Variants in GAB2 observed in about 807,000 individuals in gnomAD.
GAB2 encodes GRB2-associated-binding protein 2.
Under a neutral mutation model 65.5 loss-of-function variants are expected in GAB2, and 26 were observed. The observed-to-expected ratio is 0.40, with a 90% CI of 0.29 to 0.55. The LOEUF (loss-of-function observed/expected upper bound fraction) is 0.55. GAB2 is among the 20% of genes least tolerant of loss of function. The pLI is 0.53. For missense variants in GAB2, 884 were observed against 875.8 expected, an observed-to-expected ratio of 1.01 and a Z score of -0.12; for synonymous variants, 321 against 329.6, an observed-to-expected ratio of 0.97 and a Z score of 0.28.
At chr11:78,349,080 G>C (rs907079987) in intron 1 of GAB2, among the ~76,000 whole-genome samples, 6 of 152,216 alleles carry the variant, frequency 3.9e-5, no homozygotes, top group Non-Finnish European at 8.8e-5. Flanking sequence ...TGATGCCAAT[G>C]TTCTACATCT....
At chr11:78,410,467 G>A (rs1038619646) in intron 1 of GAB2, among the ~76,000 whole-genome samples, 1 of 152,222 alleles carries the variant, frequency 6.6e-6, no homozygotes, top group African/African-American at 2.4e-5. Flanking sequence ...TCGTGCCATT[G>A]CACTCCACCC....
chr11:78,401,924 T>C (rs1856978528), intron 1 of GAB2, among the ~76,000 whole-genome samples: 1 of 152,216 alleles, frequency 6.6e-6, no homozygotes, highest in South Asian at 2.1e-4. Flanking sequence ...CCTACTAAAA[T>C]GAATTTCCAT....
intron 1 of GAB2, among the ~76,000 whole-genome samples, chr11:78,350,301 A>C (rs1856256853): frequency 6.6e-6 from 1 of 152,188 alleles, no homozygotes; most frequent in Non-Finnish European, 1.5e-5. Context: ...AGGAAAAGTA[A>C]AGAGGCCTGG....
chr11:78,318,387 G>GAAAAAAAAAA, intron 1 of GAB2, among the ~76,000 whole-genome samples: 1 of 23,792 alleles, frequency 4.2e-5, no homozygotes. Context: ...AAAAAAAAAA[G>GAAAAAAAAAA]CTGTGAAAAG....
intron 3 of GAB2, among the ~76,000 whole-genome samples, chr11:78,234,427 A>C (rs1395699673): frequency 6.6e-6 from 1 of 152,056 alleles, no homozygotes; most frequent in African/African-American, 2.4e-5. Flanking sequence ...TCTCTGATAC[A>C]TTTTAATTTT....
Position 78,280,971 on chromosome 11 carries a change from C to T in GAB2, c.76-70G>A. On this transcript the variant is annotated intron_variant, in intron 1 of 9. Coordinates refer to ENST00000361507, the MANE Select transcript of GAB2 (RefSeq NM_080491.3). ...TAGTTATTTCAAAGCTTTTTTCTTT[C>T]AGAGACAGGTCTTGCCCTGTTGCCC... is the stretch of plus-strand genomic sequence containing the variant. The T allele has an allele frequency of 3.0e-6, 4 of 1,325,724 alleles. No homozygotes were observed. The South Asian group carries it at 5.2e-5, about 17-fold the overall frequency. 82.1% of individuals were successfully genotyped at this position (1,325,724 alleles called of 1,614,324 possible). A position where few individuals can be genotyped will look rare whatever the true frequency, so the allele number is the denominator to read the frequency against.
chr11:78,257,545 C>T (rs1865625294), intron 2 of GAB2, among the ~76,000 whole-genome samples: 1 of 152,180 alleles, frequency 6.6e-6, no homozygotes, highest in Non-Finnish European at 1.5e-5. Context: ...TGCATTTAGC[C>T]ACTCTTATTG....
chr11:78,219,986 G>T (rs1864339004), intron 9 of GAB2, among the ~76,000 whole-genome samples: 3 of 152,128 alleles, frequency 2.0e-5, no homozygotes, highest in African/African-American at 7.2e-5. Flanking sequence ...AGGACCAGGA[G>T]GCAGTATCCT....
intron 2 of GAB2, among the ~76,000 whole-genome samples, chr11:78,253,448 C>T (rs912145006): frequency 6.6e-5 from 10 of 152,132 alleles, no homozygotes; most frequent in East Asian, 1.9e-4. Context: ...TGCACCACCA[C>T]GCCAGGCCAA....
rs1445666136 is a variant in GAB2, at chr11:78,393,081, A to G, written c.75+24565T>C. Reference sequence around the variant, plus strand: ...GAGAGGCAGGATGTTGAGGGAAGATAAATCTCCTTCAGGAGGATATCAGGA... The same window carrying G: ...GAGAGGCAGGATGTTGAGGGAAGATGAATCTCCTTCAGGAGGATATCAGGA... On this transcript the variant is annotated intron_variant, in intron 1 of 9. Transcript: ENST00000361507. 3.3e-5 allele frequency among the ~76,000 whole-genome samples: 5 copies of G among 151,996 alleles called. No individual in the cohort carries two copies. In the East Asian group the frequency reaches 9.6e-4, roughly 29 times the overall value.
chr11:78,309,790 T>A (rs879554164), intron 1 of GAB2, among the ~76,000 whole-genome samples: 1 of 151,894 alleles, frequency 6.6e-6, no homozygotes, highest in Non-Finnish European at 1.5e-5. Flanking sequence ...ATATAGAGAG[T>A]AACATCCTGT....
At chr11:78,354,075 T>C (rs1006885810) in intron 1 of GAB2, among the ~76,000 whole-genome samples, 2 of 152,202 alleles carry the variant, frequency 1.3e-5, no homozygotes, top group Non-Finnish European at 1.5e-5. Context: ...TGAGAACTAC[T>C]GAAATAAGGA....
At chr11:78,230,788 C>T (rs1480160226) in intron 3 of GAB2, among the ~76,000 whole-genome samples, 5 of 152,244 alleles carry the variant, frequency 3.3e-5, no homozygotes, top group South Asian at 2.1e-4. Context: ...TCTCTGGGTG[C>T]CCCCACTGCG....
chr11:78,400,891 G>C (rs1427649795), intron 1 of GAB2, among the ~76,000 whole-genome samples: 1 of 108,316 alleles, frequency 9.2e-6, no homozygotes, highest in Non-Finnish European at 1.7e-5. Context: ...GTGACAGAGT[G>C]AGACTGTCTC....
At chr11:78,314,292 T>C (rs978154704) in intron 1 of GAB2, among the ~76,000 whole-genome samples, 2 of 152,138 alleles carry the variant, frequency 1.3e-5, no homozygotes, top group African/African-American at 4.8e-5. Context: ...AAAAACACCA[T>C]ATAGACAGAC....
intron 1 of GAB2, among the ~76,000 whole-genome samples, chr11:78,381,216 T>C (rs992367326): frequency 9.9e-5 from 15 of 152,232 alleles, no homozygotes; most frequent in African/African-American, 3.4e-4. Context: ...CTCCCATCCA[T>C]CTCATTTACT....
intron 1 of GAB2, among the ~76,000 whole-genome samples, chr11:78,314,500 C>T (rs1855561397): frequency 6.6e-6 from 1 of 152,182 alleles, no homozygotes; most frequent in African/African-American, 2.4e-5. Flanking sequence ...TGATCTTCTG[C>T]TAGTTATGTG....
chr11:78,401,114 TAA>T (rs754665540), intron 1 of GAB2, among the ~76,000 whole-genome samples: 14 of 145,268 alleles, frequency 9.6e-5, no homozygotes, highest in African/African-American at 3.5e-4. Flanking sequence ...AAGTGAGGTT[TAA>T]AAAAAAAAAA....
chr11:78,332,280 C>T (rs571765035), intron 1 of GAB2, among the ~76,000 whole-genome samples: 5 of 152,204 alleles, frequency 3.3e-5, no homozygotes, highest in East Asian at 1.9e-4. Flanking sequence ...TGGTGAGGCC[C>T]CTGGTTTTTA....
Sources: allele counts gnomAD v4.1 joint callset (sites outside exome capture counted in the v4.1 genomes callset), GRCh38; gene constraint gnomAD v4.1.1; transcripts MANE v1.5; gene names NCBI Gene and HGNC (gene_info 2026-07-23, HGNC 2026-07-21).